The following SLC35F3 variants were observed in gnomAD, a reference collection of about 807,000 sequenced individuals.
The protein encoded by SLC35F3 is solute carrier family 35 member F3.
In SLC35F3, 25 loss-of-function variants were observed where a neutral mutation model predicts 49.9. The observed-to-expected ratio is 0.50, with a 90% confidence interval of 0.37 to 0.70. The LOEUF (loss-of-function observed/expected upper bound fraction) is 0.70, where lower values mean the gene tolerates loss of function less well. Among genes scored for constraint, SLC35F3 ranks in the 30% least tolerant of loss-of-function variants. SLC35F3 has a pLI of 0.00. For missense variants in SLC35F3, 525 were observed against 639.8 expected, an observed-to-expected ratio of 0.82 and a Z score of 1.94; for synonymous variants, 275 against 265.4, an observed-to-expected ratio of 1.04 and a Z score of -0.35.
At chr1:234,161,835 T>G (rs1361967636) in intron 2 of SLC35F3, among the ~76,000 whole-genome samples, 1 of 152,058 alleles carries the variant, frequency 6.6e-6, no homozygotes, top group Non-Finnish European at 1.5e-5. Context: ...TACTTTGGCT[T>G]GTGCATAAAC....
intron 3 of SLC35F3, among the ~76,000 whole-genome samples, chr1:234,258,049 G>A (rs1458429693): frequency 1.3e-5 from 2 of 152,180 alleles, no homozygotes; most frequent in African/African-American, 2.4e-5. Context: ...TGAGATGGTG[G>A]TATTGCAGTA....
At chr1:233,955,491 T>A (rs981119551) in intron 2 of SLC35F3, among the ~76,000 whole-genome samples, 4 of 152,180 alleles carry the variant, frequency 2.6e-5, no homozygotes, top group Non-Finnish European at 4.4e-5. Flanking sequence ...GGTGGACACT[T>A]CGGTTGCTCC....
intron 2 of SLC35F3, among the ~76,000 whole-genome samples, chr1:234,004,191 A>G (rs918774977): frequency 1.3e-5 from 2 of 152,212 alleles, no homozygotes; most frequent in African/African-American, 4.8e-5. Context: ...AATTAGAAAC[A>G]ATCTAATGTC....
At chr1:234,157,860 G>C (rs571740184) in intron 2 of SLC35F3, among the ~76,000 whole-genome samples, 1 of 152,302 alleles carries the variant, frequency 6.6e-6, no homozygotes, top group East Asian at 1.9e-4. Context: ...GGAAAAACAG[G>C]AAAGTATTTC....
intron 2 of SLC35F3, among the ~76,000 whole-genome samples, chr1:233,965,904 A>C (rs1011536485): frequency 6.6e-6 from 1 of 152,190 alleles, no homozygotes; most frequent in African/African-American, 2.4e-5. Context: ...TTAACCTGGG[A>C]TTGATAAAAG....
At chr1:233,976,183 G>A (rs1268050007) in intron 2 of SLC35F3, among the ~76,000 whole-genome samples, 1 of 152,102 alleles carries the variant, frequency 6.6e-6, no homozygotes, top group African/African-American at 2.4e-5. Flanking sequence ...AAGTAGCCTG[G>A]CTCTTTATCA....
chr1:234,236,828 C>G (rs1021615519), intron 3 of SLC35F3, among the ~76,000 whole-genome samples: 3 of 150,702 alleles, frequency 2.0e-5, no homozygotes. Context: ...TCTTTGATAT[C>G]TATGTGGGCA....
Position 234,031,006 on chromosome 1 carries a change from C to G in SLC35F3, c.283+125248C>G, listed in dbSNP as rs146330758. 2.5e-3 allele frequency among the ~76,000 whole-genome samples: 378 copies of G among 152,254 alleles called. 2 individuals carry two copies. The highest frequency in any genetic ancestry group is 0.01 in the Middle Eastern group (3 of 294). On this transcript the variant is annotated intron_variant, in intron 2 of 7. Transcript: ENST00000366618. ...TAAATCAGGGTTGTTGCTTTCTCAGCCTGTTACCATCATTCATGTCAGGGG... is the reference window on the plus strand; with the variant it reads ...TAAATCAGGGTTGTTGCTTTCTCAGGCTGTTACCATCATTCATGTCAGGGG...
intron 2 of SLC35F3, among the ~76,000 whole-genome samples, chr1:234,012,855 T>G (rs111611002): frequency 0.026 from 3,914 of 152,268 alleles, 149 homozygotes; most frequent in African/African-American, 0.083. Context: ...TTAAAGGATC[T>G]GAAGGAAGAG....
chr1:234,197,296 C>A (rs189696739), intron 2 of SLC35F3, among the ~76,000 whole-genome samples: 3 of 152,244 alleles, frequency 2.0e-5, no homozygotes, highest in Admixed American at 6.5e-5. Flanking sequence ...CTTGAGTTTT[C>A]TCAGACAGGC....
chr1:233,949,156 A>G (rs1469431440), intron 2 of SLC35F3, among the ~76,000 whole-genome samples: 1 of 151,938 alleles, frequency 6.6e-6, no homozygotes, highest in African/African-American at 2.4e-5. Flanking sequence ...CCGTAATCTC[A>G]CATTCAGTCC....
intron 3 of SLC35F3, among the ~76,000 whole-genome samples, chr1:234,266,591 G>A (rs1053202680): frequency 2.6e-5 from 4 of 151,594 alleles, no homozygotes; most frequent in Non-Finnish European, 4.4e-5. Context: ...GGATTTCGTT[G>A]TTGTGTGAAC....
chr1:233,919,884 A>C (rs1335760641), intron 2 of SLC35F3, among the ~76,000 whole-genome samples: 1 of 152,128 alleles, frequency 6.6e-6, no homozygotes, highest in Non-Finnish European at 1.5e-5. Flanking sequence ...TTGTGGCAAG[A>C]GAGAAAGAAT....
At chr1:234,173,530 G>T (rs939261279) in intron 2 of SLC35F3, among the ~76,000 whole-genome samples, 1 of 152,248 alleles carries the variant, frequency 6.6e-6, no homozygotes, top group Admixed American at 6.5e-5. Context: ...CTCAAACTGG[G>T]GAACTAATAA....
intron 2 of SLC35F3, among the ~76,000 whole-genome samples, chr1:234,153,135 C>T (rs1290251291): frequency 6.6e-6 from 1 of 152,160 alleles, no homozygotes; most frequent in Non-Finnish European, 1.5e-5. Flanking sequence ...TATCAACATG[C>T]AAAAACTCAA....
chr1:234,140,002 A>AATAAAATAAATAAAAAAAT, intron 2 of SLC35F3, among the ~76,000 whole-genome samples: 8 of 105,470 alleles, frequency 7.6e-5, no homozygotes, highest in Admixed American at 1.8e-4. Flanking sequence ...AATAAAATAA[A>AATAAAATAAATAAAAAAAT]GTAAGTGACT....
At chr1:233,917,716 A>C (rs1347832958) in intron 2 of SLC35F3, among the ~76,000 whole-genome samples, 1 of 152,216 alleles carries the variant, frequency 6.6e-6, no homozygotes, top group Non-Finnish European at 1.5e-5. Context: ...CAATTCCTTT[A>C]GGAGAAAATT....
intron 3 of SLC35F3, among the ~76,000 whole-genome samples, chr1:234,304,034 C>CTTCTTTCCTTCCT (rs1558104664): frequency 1.1e-5 from 1 of 92,822 alleles, no homozygotes; most frequent in Non-Finnish European, 2.6e-5. Flanking sequence ...TCCTTCCTTC[C>CTTCTTTCCTTCCT]TTCCTTCCTT....
chr1:234,141,132 T>A (rs1393753666), intron 2 of SLC35F3, among the ~76,000 whole-genome samples: 1 of 152,188 alleles, frequency 6.6e-6, no homozygotes, highest in Non-Finnish European at 1.5e-5. Flanking sequence ...CCTCTTCTTG[T>A]TTGACATGCA....
Sources: gnomAD v4.1 joint callset for allele counts (sites outside exome capture counted in the v4.1 genomes callset) on GRCh38, gnomAD v4.1.1 for gene constraint, MANE v1.5 for transcripts, NCBI Gene and HGNC (gene_info 2026-07-23, HGNC 2026-07-21) for gene names.